XRCC1: variants seen among roughly 807,000 people sequenced by gnomAD.
XRCC1 encodes the protein DNA repair protein XRCC1.
XRCC1 carries 52 observed loss-of-function variants against 83.3 expected under a neutral mutation model. The ratio of observed to expected loss-of-function variants is 0.62; its 90% confidence interval spans 0.50 to 0.79. XRCC1 has a LOEUF of 0.79. Ranked by LOEUF, XRCC1 falls within the 30% of genes least tolerant of loss-of-function variation. The probability of loss-of-function intolerance (pLI) is 0.00; values close to 1 mark genes in which losing one functional copy is unlikely to be tolerated. For missense variants in XRCC1, 793 were observed against 823.5 expected (o/e 0.96, Z 0.45); for synonymous variants, 281 against 312.6 (o/e 0.90, Z 1.07).
intron 3 of XRCC1, among the ~76,000 whole-genome samples, chr19:43,559,072 C>T (rs1353860418): frequency 1.3e-5 from 2 of 151,570 alleles, no homozygotes; most frequent in Non-Finnish European, 2.9e-5. Context: ...GTCTGGGAAG[C>T]GGAGGTTGCA....
chr19:43,552,928 T>G lies in XRCC1; in HGVS notation c.712-20A>C. The G allele has an allele frequency of 6.2e-7, 1 of 1,612,240 alleles. No homozygotes were observed. Among genetic ancestry groups the G allele is most frequent in the Non-Finnish European group, 8.5e-7 (1 of 1,179,168 alleles). The stretch of plus-strand genomic sequence containing the variant: ...CTGGGGCTGAGGGGATGGGGATGGA[T>G]TGAGGCCTCCAGCTTCTCTCCTCCT... On this transcript the variant is annotated intron_variant, in intron 7 of 16. Transcript: ENST00000262887.
chr19:43,571,676 G>C (rs1441805249), intron 2 of XRCC1, among the ~76,000 whole-genome samples: 1 of 152,162 alleles, frequency 6.6e-6, no homozygotes, highest in Admixed American at 6.5e-5. Context: ...GCAGATTTTT[G>C]TATTTTTAGT....
chr19:43,570,645 C>G (rs1393787765), intron 2 of XRCC1, among the ~76,000 whole-genome samples: 1 of 152,088 alleles, frequency 6.6e-6, no homozygotes, highest in Non-Finnish European at 1.5e-5. Flanking sequence ...ATTAGCTGGG[C>G]CTGGCGGCAC....
chr19:43,567,375 C>T (rs1215871420), intron 2 of XRCC1, among the ~76,000 whole-genome samples: 1 of 151,772 alleles, frequency 6.6e-6, no homozygotes, highest in Non-Finnish European at 1.5e-5. Context: ...TGCAGTGGTG[C>T]AATCTCAGCT....
At chr19:43,544,300 T>A (rs1384560398) in intron 14 of XRCC1, 66 bp from the exon 15 acceptor site, 6 of 1,377,944 alleles carry the variant, frequency 4.4e-6, no homozygotes, top group Non-Finnish European at 6.0e-6. Flanking sequence ...CAAACAGGAG[T>A]GACGAGGCTG....
chr19:43,557,807 AAAAAAAAAAAAAG>A (rs1972654493), intron 3 of XRCC1, among the ~76,000 whole-genome samples: 1 of 145,050 alleles, frequency 6.9e-6, no homozygotes, highest in African/African-American at 2.7e-5. Context: ...AAAAAAAAAA[AAAAAAAAAAAAAG>A]GAAGGAGGGA....
chr19:43,559,479 CAAAAAA>C (rs58121949), intron 3 of XRCC1, among the ~76,000 whole-genome samples: 3 of 56,528 alleles, frequency 5.3e-5, no homozygotes, highest in African/African-American at 2.2e-4. Flanking sequence ...GACTCCATCT[CAAAAAA>C]AAAAAAAAAA....
intron 2 of XRCC1, among the ~76,000 whole-genome samples, chr19:43,562,863 A>G (rs1057051055): frequency 4.6e-5 from 7 of 152,222 alleles, no homozygotes; most frequent in African/African-American, 1.7e-4. Flanking sequence ...GACTCCTGCT[A>G]ATAATACATG....
At position 43,552,118 on chromosome 19, in the gene XRCC1, C is replaced by T; in HGVS notation, c.981G>A (p.Leu327=). 6.2e-7 allele frequency: 1 copy of T among 1,614,110 alleles called. No individual in the cohort carries two copies. Among genetic ancestry groups the T allele is most frequent in the Non-Finnish European group, 8.5e-7 (1 of 1,179,988 alleles). ...AGCGGAAGGGGTTCTGGAAGCCACT[C>T]AGCACCACTACCACACCCTGAAGGA... The part of the protein sequence containing the change: ...GKILQGVVVV[L]SGFQNPFRSE... Residue 327 remains leucine, a synonymous_variant, in exon 9 of 17, where the codon CTG becomes CTA. Coordinates refer to ENST00000262887, the MANE Select transcript of XRCC1 (RefSeq NM_006297.3).
At chr19:43,565,407 G>A (rs1268325873) in intron 2 of XRCC1, among the ~76,000 whole-genome samples, 1 of 152,176 alleles carries the variant, frequency 6.6e-6, no homozygotes, top group East Asian at 1.9e-4. Flanking sequence ...AACTAGCAGA[G>A]TACTTCGGAC....
chr19:43,570,356 C>A (rs1048520585), intron 2 of XRCC1, among the ~76,000 whole-genome samples: 5 of 152,192 alleles, frequency 3.3e-5, no homozygotes, highest in African/African-American at 1.2e-4. Flanking sequence ...GATGAACAGA[C>A]AACAGAGCCT....
chr19:43,547,052 G>T, intron 10 of XRCC1, 75 bp from the exon 11 acceptor site: 3 of 1,409,126 alleles, frequency 2.1e-6, no homozygotes, highest in Non-Finnish European at 2.0e-6. Context: ...AACAGCCATT[G>T]GCATTTACTA....
rs1264349523 is a variant in XRCC1 at position 43,560,978 on chromosome 19, C to T, written c.187G>A (p.Asp63Asn). The T allele has an allele frequency of 2.5e-6, 4 of 1,614,220 alleles. No homozygotes were observed. In the South Asian group the frequency reaches 4.4e-5, roughly 18 times the overall value. The change falls in exon 3 of 17, where the codon GAT (aspartate) becomes AAT (asparagine). Residue 63 changes from aspartate to asparagine, a missense_variant. Physicochemically the swap from Asp to Asn is conservative, Grantham distance 23. Coordinates refer to ENST00000262887, the MANE Select transcript of XRCC1 (RefSeq NM_006297.3). ...AGCACCTCCACGAAAGCTGAGCCAT[C>T]ATTCCCAATGTCCACACTGTGTATC... ...EQIHSVDIGN[D>N]GSAFVEVLVG...
intron 3 of XRCC1, among the ~76,000 whole-genome samples, chr19:43,560,372 C>T (rs111498182): frequency 8.6e-5 from 13 of 151,260 alleles, no homozygotes; most frequent in Admixed American, 5.9e-4. Context: ...CTCACTCCAG[C>T]CTGGGCGACA....
At chr19:43,546,762 G>A in intron 11 of XRCC1, 35 bp from the exon 12 acceptor site, 1 of 1,599,552 alleles carries the variant, frequency 6.3e-7, no homozygotes, top group Non-Finnish European at 8.5e-7. Context: ...AGGAGGGCAG[G>A]AACAGTGTGG....
Position 43,553,007 on chromosome 19 carries a change from G to A in XRCC1, c.686C>T (p.Ser229Phe), listed in dbSNP as rs1252949469. 1 of 1,603,210 alleles carries A rather than the reference G, an allele frequency of 6.2e-7. No homozygotes were observed. The highest frequency in any genetic ancestry group is 8.5e-7 in the Non-Finnish European group (1 of 1,175,248). Residue 229 changes from serine to phenylalanine, a missense_variant, in exon 7 of 17, where the codon TCC (serine) becomes TTC (phenylalanine). Physicochemically the swap from Ser to Phe is radical, Grantham distance 155. Transcript: ENST00000262887. Reference protein sequence around the residue: ...SSAASSASPVSRAIGSTSKPQ... With the variant: ...SSAASSASPVFRAIGSTSKPQ... ...CTTGGAGGTGCTGCCTATGGCCCTGGAGACTGGAGAGGCTGAGGAGGCAGC... is the reference window on the plus strand; with the variant it reads ...CTTGGAGGTGCTGCCTATGGCCCTGAAGACTGGAGAGGCTGAGGAGGCAGC...
chr19:43,543,580 G>A, intron 16 of XRCC1, 32 bp downstream of exon 16: 2 of 1,613,586 alleles, frequency 1.2e-6, no homozygotes, highest in East Asian at 2.2e-5. Flanking sequence ...GGTGTGCCCG[G>A]GTCTCCCATT....
intron 10 of XRCC1, among the ~76,000 whole-genome samples, chr19:43,548,578 G>A (rs1972542034): frequency 6.6e-6 from 1 of 152,148 alleles, no homozygotes; most frequent in African/African-American, 2.4e-5. Context: ...AAGGCAGCAT[G>A]CTCATTAAGA....
chr19:43,548,647 G>A (rs1052387281), intron 10 of XRCC1, among the ~76,000 whole-genome samples: 1 of 152,046 alleles, frequency 6.6e-6, no homozygotes, highest in Non-Finnish European at 1.5e-5. Context: ...GAAGGCCGCA[G>A]GGTCCTCTGC....
Sources: allele counts gnomAD v4.1 joint callset (sites outside exome capture counted in the v4.1 genomes callset), GRCh38; gene constraint gnomAD v4.1.1; transcripts MANE v1.5; gene names NCBI Gene and HGNC (gene_info 2026-07-23, HGNC 2026-07-21).